Variants in TRAPPC9 observed in about 807,000 individuals in gnomAD.
TRAPPC9 encodes the protein IKK2 binding protein.
A neutral mutation model predicts 124.0 loss-of-function variants in TRAPPC9; 83 were observed. The observed-to-expected ratio is 0.67, with a 90% CI of 0.56 to 0.80. TRAPPC9 has a LOEUF of 0.80. Ranked by LOEUF, TRAPPC9 falls within the 30% of genes least tolerant of loss-of-function variation. The probability of loss-of-function intolerance (pLI) is 0.00; values close to 1 mark genes in which losing one functional copy is unlikely to be tolerated. For missense variants in TRAPPC9, 1,302 were observed against 1,508.3 expected, an observed-to-expected ratio of 0.86 and a Z score of 2.27; for synonymous variants, 638 against 617.5, an observed-to-expected ratio of 1.03 and a Z score of -0.49.
intron 7 of TRAPPC9, among the ~76,000 whole-genome samples, chr8:140,380,153 C>T (rs77438168): frequency 0.034 from 5,173 of 152,082 alleles, 188 homozygotes; most frequent in African/African-American, 0.091. Flanking sequence ...TCAAAAAGAA[C>T]GAAGTTGGAG....
rs555347857 is a variant in TRAPPC9 at position 140,438,926 on chromosome 8, A to G, written c.730+126T>C. ...AGGATGGTCTCAATCTCTTGACCTC[A>G]TATTTGGCCTGCCGTAGCCTCCCAA... On this transcript the variant is annotated intron_variant, in intron 3 of 22. Coordinates refer to ENST00000438773, the MANE Select transcript of TRAPPC9 (RefSeq NM_001160372.4). 8.8e-6 allele frequency: 10 copies of G among 1,139,198 alleles called. No individual in the cohort carries two copies. The Admixed American group carries it at 1.2e-4, about 14-fold the overall frequency. 70.6% of individuals were successfully genotyped at this position (1,139,198 alleles called of 1,614,324 possible). A position where few individuals can be genotyped will look rare whatever the true frequency, so the allele number is the denominator to read the frequency against.
intron 17 of TRAPPC9, among the ~76,000 whole-genome samples, chr8:140,135,120 A>C (rs2061277527): frequency 6.6e-6 from 1 of 152,212 alleles, no homozygotes; most frequent in African/African-American, 2.4e-5. Flanking sequence ...ATGAGATAAC[A>C]CTTCCCACCT....
intron 15 of TRAPPC9, among the ~76,000 whole-genome samples, chr8:140,263,121 T>C (rs2064487125): frequency 6.6e-6 from 1 of 152,164 alleles, no homozygotes; most frequent in Non-Finnish European, 1.5e-5. Context: ...AAGTGCTCAG[T>C]ACGGGCTGCT....
At chr8:140,062,333 C>T (rs1483769711) in intron 17 of TRAPPC9, among the ~76,000 whole-genome samples, 3 of 152,184 alleles carry the variant, frequency 2.0e-5, no homozygotes, top group African/African-American at 7.2e-5. Context: ...ATCTCAGACA[C>T]GGAATAAACC....
chr8:140,018,103 G>A (rs555770668), intron 18 of TRAPPC9, among the ~76,000 whole-genome samples: 5 of 151,870 alleles, frequency 3.3e-5, no homozygotes, highest in South Asian at 2.1e-4. Context: ...TCGGCCTCTC[G>A]AAGTGCTGGG....
At chr8:140,319,521 G>A (rs1331032204) in intron 9 of TRAPPC9, among the ~76,000 whole-genome samples, 1 of 151,238 alleles carries the variant, frequency 6.6e-6, no homozygotes, top group Admixed American at 6.6e-5. Context: ...TGTCGCCTAG[G>A]CTGGAGTACA....
intron 21 of TRAPPC9, among the ~76,000 whole-genome samples, chr8:139,840,064 C>A (rs1826626836): frequency 6.6e-6 from 1 of 152,246 alleles, no homozygotes; most frequent in African/African-American, 2.4e-5. Flanking sequence ...CTGGGCACCA[C>A]CAGAGAGTCT....
chr8:140,053,974 T>C (rs576039745), intron 17 of TRAPPC9, among the ~76,000 whole-genome samples: 2 of 152,350 alleles, frequency 1.3e-5, no homozygotes, highest in East Asian at 3.9e-4. Context: ...ATATACACCA[T>C]GGAATACTAT....
chr8:139,948,542 G>A (rs1489825608), intron 19 of TRAPPC9, among the ~76,000 whole-genome samples: 2 of 152,116 alleles, frequency 1.3e-5, no homozygotes, highest in African/African-American at 2.4e-5. Context: ...AGGCTGGCCC[G>A]ATGCCCTTCT....
At chr8:140,287,524 G>A in intron 13 of TRAPPC9, 84 bp downstream of exon 13, 2 of 1,559,956 alleles carry the variant, frequency 1.3e-6, no homozygotes, top group Non-Finnish European at 1.8e-6. Context: ...TGGCATGACG[G>A]GCGATCGGCT....
At position 140,039,013 on chromosome 8, in the gene TRAPPC9, G is replaced by T. The variant is rs10081453; in HGVS notation, c.2557-14934C>A. ...GAGCGAGAAGGGGCACAAACCTGCA[G>T]GGTCAAAGCCTCAGGTCAATGTGCA... is the stretch of plus-strand genomic sequence containing the variant. On this transcript the variant is annotated intron_variant, in intron 17 of 22. Coordinates refer to ENST00000438773, the MANE Select transcript of TRAPPC9 (RefSeq NM_001160372.4). 2.6e-5 allele frequency among the ~76,000 whole-genome samples: 4 copies of T among 152,204 alleles called. 1 individual carries two copies. Among genetic ancestry groups the T allele is most frequent in the Non-Finnish European group, 2.9e-5 (2 of 68,006 alleles).
chr8:140,011,296 T>C (rs990844819), intron 18 of TRAPPC9, among the ~76,000 whole-genome samples: 2 of 151,556 alleles, frequency 1.3e-5, no homozygotes, highest in Admixed American at 1.3e-4. Context: ...GAGCCAAGAT[T>C]GTACCACTGC....
chr8:140,339,344 T>C (rs1255823588), intron 9 of TRAPPC9, among the ~76,000 whole-genome samples: 1 of 152,262 alleles, frequency 6.6e-6, no homozygotes, highest in Non-Finnish European at 1.5e-5. Flanking sequence ...ATCTAATAAT[T>C]ATTCTCTGTC....
intron 17 of TRAPPC9, among the ~76,000 whole-genome samples, chr8:140,069,715 G>A (rs1843049246): frequency 6.6e-6 from 1 of 152,056 alleles, no homozygotes; most frequent in Non-Finnish European, 1.5e-5. Context: ...GACATGAGAG[G>A]GGATGTATTA....
chr8:140,253,770 A>G (rs532765381), intron 15 of TRAPPC9, among the ~76,000 whole-genome samples: 1 of 152,318 alleles, frequency 6.6e-6, no homozygotes, highest in Admixed American at 6.5e-5. Flanking sequence ...TCTGGCAAAT[A>G]CACCATGGTC....
chr8:139,913,472 T>C (rs951879996), intron 19 of TRAPPC9, among the ~76,000 whole-genome samples: 5 of 152,224 alleles, frequency 3.3e-5, no homozygotes, highest in Non-Finnish European at 7.3e-5. Context: ...TGTTTTGTCT[T>C]GAGCTTTACT....
At chr8:140,247,479 A>T (rs938660728) in intron 16 of TRAPPC9, among the ~76,000 whole-genome samples, 2 of 152,062 alleles carry the variant, frequency 1.3e-5, no homozygotes, top group Non-Finnish European at 2.9e-5. Flanking sequence ...TAAGTCCAGT[A>T]ATATAACTAG....
chr8:140,334,810 A>G (rs2066992457), intron 9 of TRAPPC9, among the ~76,000 whole-genome samples: 1 of 152,120 alleles, frequency 6.6e-6, no homozygotes, highest in Admixed American at 6.5e-5. Context: ...GGATAGGTAA[A>G]TTATTCTGAA....
intron 9 of TRAPPC9, among the ~76,000 whole-genome samples, chr8:140,350,622 G>A (rs902505996): frequency 6.6e-6 from 1 of 152,126 alleles, no homozygotes; most frequent in South Asian, 2.1e-4. Flanking sequence ...AGAGCCGGGG[G>A]TCACGGTGGT....
Sources: allele counts gnomAD v4.1 joint callset (sites outside exome capture counted in the v4.1 genomes callset), GRCh38; gene constraint gnomAD v4.1.1; transcripts MANE v1.5; gene names NCBI Gene and HGNC (gene_info 2026-07-23, HGNC 2026-07-21).